Variants in NKAIN2 observed in about 807,000 individuals in gnomAD.
The protein encoded by NKAIN2 is sodium/potassium-transporting ATPase subunit beta-1-interacting protein 2.
In NKAIN2, 14 loss-of-function variants were observed where a neutral mutation model predicts 32.6. That is an observed-to-expected ratio of 0.43 (90% CI 0.28 to 0.67). The LOEUF (loss-of-function observed/expected upper bound fraction) is 0.67, where lower values mean the gene tolerates loss of function less well. NKAIN2 is among the 30% of genes least tolerant of loss of function. NKAIN2 has a pLI of 0.17. For missense variants in NKAIN2, 198 were observed against 258.3 expected, an observed-to-expected ratio of 0.77 and a Z score of 1.60; for synonymous variants, 80 against 87.2, an observed-to-expected ratio of 0.92 and a Z score of 0.46.
chr6:124,684,655 A>G (rs1186187910), intron 4 of NKAIN2, among the ~76,000 whole-genome samples: 4 of 152,204 alleles, frequency 2.6e-5, no homozygotes, highest in Admixed American at 1.3e-4. Flanking sequence ...GGATGAAAGC[A>G]TAAGTTCCTT....
chr6:124,410,030 G>T (rs1360099249), intron 3 of NKAIN2, among the ~76,000 whole-genome samples: 5 of 152,014 alleles, frequency 3.3e-5, no homozygotes, highest in Admixed American at 6.6e-5. Context: ...CTGTGGGATC[G>T]GTGGTGATAT....
chr6:124,368,282 A>G (rs1333058781), intron 3 of NKAIN2, among the ~76,000 whole-genome samples: 2 of 152,124 alleles, frequency 1.3e-5, no homozygotes, highest in Non-Finnish European at 2.9e-5. Context: ...GGTTAAAACA[A>G]TTTAAACCAT....
rs79550869 is a variant in NKAIN2 at position 124,206,935 on chromosome 6, C to T, written c.55-76070C>T. ...ATACGGGATTAACATCTCATATCTC[C>T]TCTCTCCATTAAAAAGTTTATGAAT... On this transcript the variant is annotated intron_variant, in intron 1 of 6. Coordinates refer to ENST00000368417, the MANE Select transcript of NKAIN2 (RefSeq NM_001040214.3). Among the ~76,000 whole-genome samples the T allele has an allele frequency of 8.6e-4, 130 of 151,834 alleles. 4 individuals carry two copies. In the East Asian group the frequency reaches 0.019, roughly 22 times the overall value.
chr6:123,847,865 G>A (rs972407357), intron 1 of NKAIN2, among the ~76,000 whole-genome samples: 22 of 152,120 alleles, frequency 1.4e-4, no homozygotes, highest in African/African-American at 5.1e-4. Flanking sequence ...ATGGTACGGA[G>A]CTTGAGAATC....
At position 123,903,072 on chromosome 6, in the gene NKAIN2, C is replaced by T. The variant is rs968406322; in HGVS notation, c.54+98818C>T. On this transcript the variant is annotated intron_variant, in intron 1 of 6. Coordinates refer to ENST00000368417, the MANE Select transcript of NKAIN2 (RefSeq NM_001040214.3). The stretch of plus-strand genomic sequence containing the variant: ...AAGGAGACATGATTACTGGTAGTAA[C>T]AGCAATGAATTATGGGAAACTACCA... Among the ~76,000 whole-genome samples, 8 of 152,282 alleles carry T rather than the reference C, an allele frequency of 5.3e-5. No homozygotes were observed. The East Asian group carries it at 1.4e-3, about 26-fold the overall frequency.
At chr6:124,535,970 C>T (rs930184337) in intron 3 of NKAIN2, among the ~76,000 whole-genome samples, 8 of 152,224 alleles carry the variant, frequency 5.3e-5, no homozygotes, top group Admixed American at 5.2e-4. Context: ...TATGGGATGC[C>T]GATGAGCAAT....
chr6:124,658,084 A>C (rs1784604342), intron 3 of NKAIN2, 102 bp from the exon 4 acceptor site: 3 of 918,988 alleles, frequency 3.3e-6, no homozygotes, highest in Non-Finnish European at 4.9e-6. Context: ...AAAAACAAAC[A>C]AACCCACATT....
chr6:124,270,734 C>T (rs150494970), intron 1 of NKAIN2, among the ~76,000 whole-genome samples: 339 of 152,268 alleles, frequency 2.2e-3, no homozygotes, highest in African/African-American at 7.8e-3. Flanking sequence ...CCCATCATCC[C>T]TCATCTGCTT....
intron 3 of NKAIN2, among the ~76,000 whole-genome samples, chr6:124,373,422 T>C (rs1583147548): frequency 6.6e-6 from 1 of 152,082 alleles, no homozygotes; most frequent in East Asian, 1.9e-4. Context: ...TCTCAAGCAG[T>C]GTTGTCAAGC....
At chr6:124,370,546 A>G (rs1156314824) in intron 3 of NKAIN2, among the ~76,000 whole-genome samples, 1 of 152,208 alleles carries the variant, frequency 6.6e-6, no homozygotes, top group East Asian at 1.9e-4. Context: ...GAGGTAGCAT[A>G]ATATATAAAA....
chr6:124,032,276 G>T (rs1415636885), intron 1 of NKAIN2, among the ~76,000 whole-genome samples: 1 of 112,062 alleles, frequency 8.9e-6, no homozygotes, highest in African/African-American at 3.4e-5. Flanking sequence ...TGGGGGGAGG[G>T]GGGAGGGATA....
chr6:124,170,979 T>G (rs1788815546), intron 1 of NKAIN2, among the ~76,000 whole-genome samples: 1 of 152,210 alleles, frequency 6.6e-6, no homozygotes, highest in Non-Finnish European at 1.5e-5. Flanking sequence ...TTTACCGTGA[T>G]TTCTTTAGAA....
chr6:124,146,766 A>AT (rs757312497), intron 1 of NKAIN2, among the ~76,000 whole-genome samples: 6 of 152,220 alleles, frequency 3.9e-5, no homozygotes, highest in Non-Finnish European at 7.3e-5. Context: ...ATACATTATG[A>AT]TTCCCCTTGT....
intron 1 of NKAIN2, among the ~76,000 whole-genome samples, chr6:124,023,874 T>C (rs1224888195): frequency 1.3e-5 from 2 of 152,050 alleles, no homozygotes; most frequent in East Asian, 1.9e-4. Context: ...ATATGGCATC[T>C]AGAGCTTAGA....
intron 4 of NKAIN2, among the ~76,000 whole-genome samples, chr6:124,779,380 G>GAAGGAAGT (rs1172376022): frequency 2.1e-5 from 3 of 143,844 alleles, no homozygotes; most frequent in Admixed American, 7.1e-5. Context: ...AGGAAGGAAG[G>GAAGGAAGT]AAGTCCTCCT....
At chr6:124,369,953 A>G (rs1273466767) in intron 3 of NKAIN2, among the ~76,000 whole-genome samples, 1 of 144,252 alleles carries the variant, frequency 6.9e-6, no homozygotes, top group Non-Finnish European at 1.5e-5. Context: ...GGGGGAAATT[A>G]TATAAAAATA....
chr6:124,747,355 G>GT (rs1199345104), intron 4 of NKAIN2, among the ~76,000 whole-genome samples: 3 of 151,862 alleles, frequency 2.0e-5, no homozygotes, highest in African/African-American at 7.3e-5. Flanking sequence ...AGAAAACACT[G>GT]TTTTTCCATG....
intron 1 of NKAIN2, among the ~76,000 whole-genome samples, chr6:124,266,260 T>A (rs567075910): frequency 1.3e-5 from 2 of 152,288 alleles, no homozygotes; most frequent in Admixed American, 1.3e-4. Context: ...ACTCTATATA[T>A]GTGACTGAGA....
chr6:124,665,754 C>G (rs1009419213), intron 4 of NKAIN2, among the ~76,000 whole-genome samples: 1 of 152,212 alleles, frequency 6.6e-6, no homozygotes, highest in Non-Finnish European at 1.5e-5. Context: ...AATGGCATCA[C>G]AGCTCTGATT....
Sources: gnomAD v4.1 joint callset for allele counts (sites outside exome capture counted in the v4.1 genomes callset) on GRCh38, gnomAD v4.1.1 for gene constraint, MANE v1.5 for transcripts, NCBI Gene and HGNC (gene_info 2026-07-23, HGNC 2026-07-21) for gene names.